The following CDH13 variants were observed in gnomAD, a reference collection of about 807,000 sequenced individuals.
CDH13 encodes the protein cadherin 13, also known as cadherin-13.
In CDH13, 24 loss-of-function variants were observed where a neutral mutation model predicts 63.8. The observed-to-expected ratio is 0.38, with a 90% CI of 0.27 to 0.53. The LOEUF (loss-of-function observed/expected upper bound fraction) is 0.53. Among genes scored for constraint, CDH13 ranks in the 20% least tolerant of loss-of-function variants. The probability of loss-of-function intolerance (pLI) is 0.85; values close to 1 mark genes in which losing one functional copy is unlikely to be tolerated. For missense variants in CDH13, 1,049 were observed against 903.1 expected (o/e 1.16, Z -2.07); for synonymous variants, 503 against 355.3 (o/e 1.42, Z -4.67).
chr16:83,652,942 T>G (rs1425109059), intron 8 of CDH13, among the ~76,000 whole-genome samples: 1 of 152,176 alleles, frequency 6.6e-6, no homozygotes, highest in Non-Finnish European at 1.5e-5. Flanking sequence ...ACATGGTCCA[T>G]CCACATGACG....
intron 5 of CDH13, among the ~76,000 whole-genome samples, chr16:83,254,267 C>T (rs1047550032): frequency 3.3e-5 from 5 of 152,172 alleles, no homozygotes; most frequent in East Asian, 1.9e-4. Flanking sequence ...CATAAGAAAG[C>T]GTATAGCTCA....
chr16:82,674,587 G>T (rs1039631819), intron 1 of CDH13, among the ~76,000 whole-genome samples: 12 of 152,172 alleles, frequency 7.9e-5, no homozygotes, highest in African/African-American at 2.4e-4. Flanking sequence ...CTTGGATCAG[G>T]TACGTGAAAC....
intron 2 of CDH13, among the ~76,000 whole-genome samples, chr16:82,955,796 G>T (rs192209039): frequency 5.5e-4 from 83 of 152,270 alleles, no homozygotes; most frequent in Non-Finnish European, 7.4e-4. Flanking sequence ...TGAATCTAAG[G>T]CAAGCTCTGC....
intron 3 of CDH13, among the ~76,000 whole-genome samples, chr16:83,065,013 C>T (rs906669645): frequency 8.5e-5 from 13 of 152,094 alleles, no homozygotes; most frequent in African/African-American, 3.1e-4. Context: ...CAGTCCCTCC[C>T]CTGCACCCCC....
chr16:83,668,763 C>T (rs968741696), intron 8 of CDH13, among the ~76,000 whole-genome samples: 1 of 152,146 alleles, frequency 6.6e-6, no homozygotes, highest in African/African-American at 2.4e-5. Context: ...TTCCTTCTTC[C>T]TTCCTTCCTT....
At chr16:83,100,101 C>A (rs980274908) in intron 3 of CDH13, among the ~76,000 whole-genome samples, 5 of 152,166 alleles carry the variant, frequency 3.3e-5, no homozygotes, top group African/African-American at 1.2e-4. Flanking sequence ...TAACTCATCA[C>A]TCATTCAATT....
At chr16:83,056,821 T>C (rs2030996262) in intron 3 of CDH13, among the ~76,000 whole-genome samples, 1 of 151,682 alleles carries the variant, frequency 6.6e-6, no homozygotes, top group Non-Finnish European at 1.5e-5. Context: ...TTTGATGGTT[T>C]TATAGAAGAG....
At chr16:83,421,851 T>G (rs955408563) in intron 6 of CDH13, among the ~76,000 whole-genome samples, 1 of 152,224 alleles carries the variant, frequency 6.6e-6, no homozygotes, top group Non-Finnish European at 1.5e-5. Flanking sequence ...TTAGTTCTTT[T>G]GAATAAGCTG....
At chr16:83,190,861 G>C (rs1031376796) in intron 4 of CDH13, among the ~76,000 whole-genome samples, 19 of 152,090 alleles carry the variant, frequency 1.2e-4, no homozygotes, top group African/African-American at 2.9e-4. Context: ...TCTTATAATG[G>C]CTAATTGCTA....
chr16:83,496,316 A>C (rs1480213374), intron 7 of CDH13, among the ~76,000 whole-genome samples: 1 of 146,938 alleles, frequency 6.8e-6, no homozygotes, highest in Non-Finnish European at 1.5e-5. Flanking sequence ...ACAGAGATAT[A>C]GATCAATGGA....
At chr16:83,363,704 T>A (rs2091206178) in intron 6 of CDH13, among the ~76,000 whole-genome samples, 1 of 152,224 alleles carries the variant, frequency 6.6e-6, no homozygotes, top group Non-Finnish European at 1.5e-5. Flanking sequence ...ATGAGCAGGA[T>A]GTTCCGTCAG....
At chr16:83,534,592 C>G (rs2075148232) in intron 7 of CDH13, among the ~76,000 whole-genome samples, 1 of 152,244 alleles carries the variant, frequency 6.6e-6, no homozygotes, top group Non-Finnish European at 1.5e-5. Flanking sequence ...GCCCCTGTCA[C>G]TTAGCACAAT....
At chr16:82,899,351 G>C (rs1222628475) in intron 2 of CDH13, among the ~76,000 whole-genome samples, 1 of 152,140 alleles carries the variant, frequency 6.6e-6, no homozygotes, top group Non-Finnish European at 1.5e-5. Flanking sequence ...ATAATTCATT[G>C]ATCTTAACAA....
At chr16:83,667,141 A>T (rs1033058245) in intron 8 of CDH13, among the ~76,000 whole-genome samples, 5 of 152,046 alleles carry the variant, frequency 3.3e-5, no homozygotes, top group African/African-American at 1.2e-4. Context: ...AAATAGATAG[A>T]TGGATGGCAG....
At chr16:82,915,710 T>C (rs1276368781) in intron 2 of CDH13, among the ~76,000 whole-genome samples, 1 of 151,808 alleles carries the variant, frequency 6.6e-6, no homozygotes, top group Non-Finnish European at 1.5e-5. Flanking sequence ...TTGATGATTG[T>C]CTCTCTTAGA....
intron 2 of CDH13, chr16:82,954,759 A>G (rs1462032858): frequency 6.6e-6 from 1 of 152,000 alleles, no homozygotes; most frequent in East Asian, 1.9e-4. Context: ...TGGAAAAAAA[A>G]AAAAACACTA....
intron 10 of CDH13, among the ~76,000 whole-genome samples, chr16:83,709,150 G>A (rs1412257460): frequency 1.3e-5 from 2 of 152,284 alleles, no homozygotes; most frequent in East Asian, 1.9e-4. Context: ...GAATCCAGAG[G>A]TCAAGGAATG....
At chr16:83,330,352 A>T (rs2090454380) in intron 5 of CDH13, among the ~76,000 whole-genome samples, 1 of 152,230 alleles carries the variant, frequency 6.6e-6, no homozygotes, top group African/African-American at 2.4e-5. Flanking sequence ...AAAATAGCAC[A>T]TAGTTTCTCT....
At chr16:83,129,102 C>A (rs2035938754) in intron 4 of CDH13, among the ~76,000 whole-genome samples, 1 of 152,034 alleles carries the variant, frequency 6.6e-6, no homozygotes, top group Non-Finnish European at 1.5e-5. Flanking sequence ...TCAACTCCAC[C>A]ACAGCTGACG....
Sources: allele counts gnomAD v4.1 joint callset (sites outside exome capture counted in the v4.1 genomes callset), GRCh38; gene constraint gnomAD v4.1.1; transcripts MANE v1.5; gene names NCBI Gene and HGNC (gene_info 2026-07-23, HGNC 2026-07-21).